The following NTM variants were observed in gnomAD, a reference collection of about 807,000 sequenced individuals.
NTM encodes the protein neurotrimin, also known as IgLON family member 2.
Under a neutral mutation model 42.1 loss-of-function variants are expected in NTM, and 13 were observed. The ratio of observed to expected loss-of-function variants is 0.31; its 90% CI spans 0.20 to 0.49. NTM has a LOEUF of 0.49. Among genes scored for constraint, NTM ranks in the 20% least tolerant of loss-of-function variants. The pLI is 0.99. For synonymous variants in NTM, 187 were observed against 179.2 expected (o/e 1.04, Z -0.35); for missense variants, 373 against 452.8 (o/e 0.82, Z 1.60).
chr11:131,444,812 A>G (rs1244801826), intron 1 of NTM, among the ~76,000 whole-genome samples: 2 of 152,208 alleles, frequency 1.3e-5, no homozygotes, highest in African/African-American at 4.8e-5. Flanking sequence ...TCTGTTGGCT[A>G]AGACTGGAGA....
At chr11:131,723,188 C>T (rs745648558) in intron 1 of NTM, among the ~76,000 whole-genome samples, 1 of 152,234 alleles carries the variant, frequency 6.6e-6, no homozygotes, top group Non-Finnish European at 1.5e-5. Flanking sequence ...GAAGCATTAT[C>T]TCTGCCGTTC....
intron 1 of NTM, among the ~76,000 whole-genome samples, chr11:131,664,060 T>C (rs1358516165): frequency 6.6e-6 from 1 of 152,224 alleles, no homozygotes; most frequent in East Asian, 1.9e-4. Context: ...CGCTCCCCTC[T>C]AGCTGTGCAG....
chr11:131,862,479 G>A (rs540642395), intron 1 of NTM, among the ~76,000 whole-genome samples: 8 of 152,280 alleles, frequency 5.3e-5, no homozygotes, highest in Admixed American at 2.6e-4. Flanking sequence ...ATTTATTGCT[G>A]TGTCCTAGAC....
chr11:132,315,170 C>CTATTTCAG (rs1241347516), intron 7 of NTM: 1 of 764,966 alleles, frequency 1.3e-6, no homozygotes, highest in Non-Finnish European at 1.6e-6. Flanking sequence ...GGAATGTTTG[C>CTATTTCAG]TATTTCAGTC....
chr11:131,879,966 G>T (rs2049204649), intron 1 of NTM, among the ~76,000 whole-genome samples: 1 of 152,114 alleles, frequency 6.6e-6, no homozygotes, highest in Admixed American at 6.5e-5. Context: ...TTTGCTTTTT[G>T]CTTTTACCAC....
intron 1 of NTM, among the ~76,000 whole-genome samples, chr11:131,639,792 C>G (rs182176396): frequency 6.6e-6 from 1 of 151,910 alleles, no homozygotes; most frequent in Non-Finnish European, 1.5e-5. Flanking sequence ...CCCATCTTTA[C>G]TAAAAATACA....
rs1177581951 is a variant in NTM at position 132,002,238 on chromosome 11, G to T, written c.167+90590G>T. Among the ~76,000 whole-genome samples, 1 of 152,192 alleles carries T rather than the reference G, an allele frequency of 6.6e-6. No homozygotes were observed. The highest frequency in any genetic ancestry group is 1.5e-5 in the Non-Finnish European group (1 of 68,026). On this transcript the variant is annotated intron_variant, in intron 2 of 8. Coordinates refer to ENST00000683400, the MANE Select transcript of NTM (RefSeq NM_001352005.2). This position sits in a 1 kb window ranked among gnomAD's most constrained non-coding sequence, Gnocchi z 4.5. The stretch of plus-strand genomic sequence containing the variant: ...GAATAGGGAAGTGACTTGGTATTTG[G>T]CTGGACTTGTCTTGTGAGCTATTTG...
chr11:131,703,290 C>T (rs981908749), intron 1 of NTM, among the ~76,000 whole-genome samples: 1 of 152,176 alleles, frequency 6.6e-6, no homozygotes, highest in Non-Finnish European at 1.5e-5. Context: ...GATTTGATCA[C>T]TCCAGAATAT....
At chr11:131,467,698 A>C (rs1565532635) in intron 1 of NTM, among the ~76,000 whole-genome samples, 1 of 152,252 alleles carries the variant, frequency 6.6e-6, no homozygotes, top group African/African-American at 2.4e-5. Flanking sequence ...TTTTAAAAAA[A>C]TAAAATAGAA....
At chr11:132,062,508 T>A (rs1433944269) in intron 2 of NTM, among the ~76,000 whole-genome samples, 1 of 146,438 alleles carries the variant, frequency 6.8e-6, no homozygotes, top group Non-Finnish European at 1.5e-5. Context: ...TTTTTTTTTT[T>A]ATTTGAGTAG....
chr11:132,303,684 G>C (rs1433196614), intron 4 of NTM, among the ~76,000 whole-genome samples: 1 of 138,696 alleles, frequency 7.2e-6, no homozygotes, highest in Non-Finnish European at 1.5e-5. Context: ...TATTTGCTTA[G>C]ATAGATAGGG....
intron 2 of NTM, among the ~76,000 whole-genome samples, chr11:131,954,210 A>C (rs990872601): frequency 6.6e-6 from 1 of 152,190 alleles, no homozygotes; most frequent in Non-Finnish European, 1.5e-5. Flanking sequence ...AGACACAGGC[A>C]TTGTAAGTAG....
intron 1 of NTM, among the ~76,000 whole-genome samples, chr11:131,416,612 CAG>C (rs1946985608): frequency 6.6e-6 from 1 of 152,198 alleles, no homozygotes; most frequent in African/African-American, 2.4e-5. Context: ...TAAACAGATT[CAG>C]TCTAAACTTC....
intron 1 of NTM, among the ~76,000 whole-genome samples, chr11:131,487,627 TGAG>T (rs1291762003): frequency 1.3e-5 from 2 of 152,180 alleles, no homozygotes; most frequent in African/African-American, 4.8e-5. Context: ...GATATGGTAT[TGAG>T]GAGACAGTTT....
At chr11:131,944,053 AC>A (rs2060088325) in intron 2 of NTM, among the ~76,000 whole-genome samples, 2 of 152,074 alleles carry the variant, frequency 1.3e-5, no homozygotes, top group African/African-American at 4.8e-5. Context: ...CTTTTCTGAA[AC>A]ATTTTTTTTT....
At chr11:131,588,016 C>T (rs931114342) in intron 1 of NTM, among the ~76,000 whole-genome samples, 1 of 152,166 alleles carries the variant, frequency 6.6e-6, no homozygotes, top group African/African-American at 2.4e-5. Context: ...TTGCTATGTG[C>T]CAGGCACTGT....
At chr11:131,466,148 C>T (rs1375050229) in intron 1 of NTM, among the ~76,000 whole-genome samples, 1 of 152,128 alleles carries the variant, frequency 6.6e-6, no homozygotes, top group Non-Finnish European at 1.5e-5. Flanking sequence ...ACCCTGACAG[C>T]CAAGGATTGT....
chr11:131,490,408 A>T (rs1246655999), intron 1 of NTM, among the ~76,000 whole-genome samples: 1 of 152,160 alleles, frequency 6.6e-6, no homozygotes, highest in Non-Finnish European at 1.5e-5. Context: ...TCTTCCAAAA[A>T]CTTAGTGGCT....
At chr11:131,491,571 T>C (rs114850002) in intron 1 of NTM, among the ~76,000 whole-genome samples, 1,767 of 152,256 alleles carry the variant, frequency 0.012, 32 homozygotes, top group African/African-American at 0.041. Context: ...CCCATGTTCA[T>C]ACCTAGACCA....
Sources: gnomAD v4.1 joint callset for allele counts (sites outside exome capture counted in the v4.1 genomes callset) on GRCh38, gnomAD v4.1.1 for gene constraint, Gnocchi (gnomAD v3.1) non-coding constraint, MANE v1.5 for transcripts, NCBI Gene and HGNC (gene_info 2026-07-23, HGNC 2026-07-21) for gene names.